The following LOC400499 variants were observed in gnomAD, a reference collection of about 807,000 sequenced individuals.
the LOC400499 span, among the ~76,000 whole-genome samples, chr16:11,435,043 T>C: frequency 1.3e-5 from 2 of 152,340 alleles, no homozygotes; most frequent in African/African-American, 4.8e-5. Flanking sequence ...AATGCTGCAA[T>C]CTTACAGCTC....
the LOC400499 span, among the ~76,000 whole-genome samples, chr16:11,453,967 G>A: frequency 1.3e-5 from 2 of 152,134 alleles, no homozygotes; most frequent in Non-Finnish European, 2.9e-5. Context: ...AGACCAAAAT[G>A]ACATGTTTCC....
chr16:11,506,668 C>A, the LOC400499 span, among the ~76,000 whole-genome samples: 6 of 152,104 alleles, frequency 3.9e-5, no homozygotes, highest in African/African-American at 1.2e-4. Context: ...CCACCCTCTG[C>A]CCCCCACATC....
the LOC400499 span, among the ~76,000 whole-genome samples, chr16:11,403,848 G>A: frequency 2.0e-5 from 3 of 152,188 alleles, no homozygotes; most frequent in South Asian, 2.1e-4. Flanking sequence ...ACTGCCCAGG[G>A]ATGCCACCTC....
the LOC400499 span, chr16:11,447,042 A>G: frequency 1.2e-5 from 13 of 1,095,016 alleles, no homozygotes; most frequent in African/African-American, 1.6e-5. Flanking sequence ...CAGAGAAGAG[A>G]ACATCAGGAC....
chr16:11,434,525 G>C, the LOC400499 span, among the ~76,000 whole-genome samples: 1 of 152,140 alleles, frequency 6.6e-6, no homozygotes, highest in Admixed American at 6.5e-5. Flanking sequence ...CCATTTGTAG[G>C]ACACCCAGTT....
chr16:11,469,351 C>G, the LOC400499 span: 4 of 399,088 alleles, frequency 1.0e-5, no homozygotes, highest in African/African-American at 4.1e-5. Context: ...TCTTTAATCT[C>G]TGAGCCTAAG....
chr16:11,413,719 C>A, the LOC400499 span, among the ~76,000 whole-genome samples: 3 of 152,324 alleles, frequency 2.0e-5, no homozygotes, highest in Non-Finnish European at 4.4e-5. Flanking sequence ...AGACCATCAG[C>A]ATCTTCTTCT....
At chr16:11,393,432 C>G in the LOC400499 span, 2 of 1,232,292 alleles carry the variant, frequency 1.6e-6, no homozygotes, top group Non-Finnish European at 2.0e-6. Flanking sequence ...GCTTGGGGCC[C>G]GGAACACAGA....
At chr16:11,478,026 G>C in the LOC400499 span, 2 of 398,728 alleles carry the variant, frequency 5.0e-6, no homozygotes, top group Non-Finnish European at 8.8e-6. Context: ...GAAATGATAA[G>C]CGGGGGCCGG....
chr16:11,514,081 C>T, the LOC400499 span, among the ~76,000 whole-genome samples: 11 of 152,256 alleles, frequency 7.2e-5, no homozygotes, highest in African/African-American at 2.6e-4. Flanking sequence ...TGAGGGGTCA[C>T]TGAATTTAAG....
the LOC400499 span, chr16:11,447,969 C>A: frequency 6.5e-7 from 1 of 1,536,056 alleles, no homozygotes; most frequent in Non-Finnish European, 8.7e-7. Context: ...GGTACAATGT[C>A]CTGTCTTGCC....
chr16:11,512,696 G>T, the LOC400499 span, among the ~76,000 whole-genome samples: 2 of 152,156 alleles, frequency 1.3e-5, no homozygotes. Context: ...CACTTTAAAT[G>T]GTGAATTGTA....
chr16:11,451,342 G>A, the LOC400499 span, among the ~76,000 whole-genome samples: 1 of 152,210 alleles, frequency 6.6e-6, no homozygotes, highest in Non-Finnish European at 1.5e-5. Flanking sequence ...CACTTTGGGA[G>A]GCCAAGGCAG....
At chr16:11,484,342 T>C in the LOC400499 span, among the ~76,000 whole-genome samples, 2 of 152,044 alleles carry the variant, frequency 1.3e-5, no homozygotes, top group Non-Finnish European at 2.9e-5. Flanking sequence ...GAAGAGACTT[T>C]TGGGAGTGAT....
At chr16:11,464,189 GATGT>G in the LOC400499 span, among the ~76,000 whole-genome samples, 2 of 151,960 alleles carry the variant, frequency 1.3e-5, no homozygotes, top group East Asian at 1.9e-4. Context: ...TATGTGTATG[GATGT>G]ATGTGTGTGC....
chr16:11,418,022 C>T, the LOC400499 span, among the ~76,000 whole-genome samples: 1 of 152,146 alleles, frequency 6.6e-6, no homozygotes, highest in Admixed American at 6.6e-5. Flanking sequence ...CAGCTAATTA[C>T]ACATGCACCC....
chr16:11,413,259 G>A, the LOC400499 span, among the ~76,000 whole-genome samples: 1 of 152,192 alleles, frequency 6.6e-6, no homozygotes, highest in Non-Finnish European at 1.5e-5. Context: ...AAAGGGTTTA[G>A]ATGAAGCCAA....
At chr16:11,424,102 C>A in the LOC400499 span, 1 of 399,430 alleles carries the variant, frequency 2.5e-6, no homozygotes. Flanking sequence ...GCCCCCTCCT[C>A]ACTCACCTGG....
chr16:11,487,296 A>C, the LOC400499 span: 1 of 399,090 alleles, frequency 2.5e-6, no homozygotes, highest in South Asian at 1.3e-4. Context: ...CATGGTGTGG[A>C]TGGTCAGGTT....
Sources: gnomAD v4.1 joint callset for allele counts (sites outside exome capture counted in the v4.1 genomes callset) on GRCh38, gnomAD v4.1.1 for gene constraint, MANE v1.5 for transcripts.